Variants in NBAS observed in about 807,000 individuals in gnomAD.
The protein encoded by NBAS is NAG/BC035112 fusion.
Under a neutral mutation model 302.5 loss-of-function variants are expected in NBAS, and 219 were observed. That is an observed-to-expected ratio of 0.72 (90% CI 0.65 to 0.81). The LOEUF (loss-of-function observed/expected upper bound fraction) is 0.81. Among genes scored for constraint, NBAS ranks in the 30% least tolerant of loss-of-function variants. The pLI is 0.00. For synonymous variants in NBAS, 1,118 were observed against 1,021.6 expected (o/e 1.09, Z -1.80); for missense variants, 2,932 against 2,841.6 (o/e 1.03, Z -0.72).
At chr2:15,272,822 C>T (rs1669382341) in intron 44 of NBAS, among the ~76,000 whole-genome samples, 1 of 152,182 alleles carries the variant, frequency 6.6e-6, no homozygotes, top group South Asian at 2.1e-4. Flanking sequence ...GCACCAACAA[C>T]TGTGCCACAT....
At chr2:14,952,217 A>G in the NBAS span, among the ~76,000 whole-genome samples, 1 of 152,202 alleles carries the variant, frequency 6.6e-6, no homozygotes, top group African/African-American at 2.4e-5. Context: ...CTGCATGGAA[A>G]GTCCTATAAA....
intron 11 of NBAS, among the ~76,000 whole-genome samples, chr2:15,493,184 G>A (rs1680935351): frequency 3.3e-5 from 5 of 152,134 alleles, no homozygotes; most frequent in Admixed American, 3.3e-4. Context: ...CGCCATGATT[G>A]TAAATTTCCT....
At chr2:15,368,392 G>A (rs1402237590) in intron 31 of NBAS, among the ~76,000 whole-genome samples, 20 of 151,730 alleles carry the variant, frequency 1.3e-4, no homozygotes, top group African/African-American at 1.9e-4. Context: ...TAGCGACGGG[G>A]TTTCACCACA....
chr2:15,389,761 T>TTTG (rs1234456979), intron 28 of NBAS, among the ~76,000 whole-genome samples: 10 of 152,162 alleles, frequency 6.6e-5, no homozygotes, highest in Non-Finnish European at 1.5e-5. Flanking sequence ...ACAAGTCTTT[T>TTTG]TTGTTGTTGT....
the NBAS span, among the ~76,000 whole-genome samples, chr2:15,032,375 T>C: frequency 6.6e-6 from 1 of 150,550 alleles, no homozygotes; most frequent in South Asian, 2.1e-4. Context: ...AACTGAACAA[T>C]AGAGAACAAG....
At chr2:14,870,772 T>C in the NBAS span, among the ~76,000 whole-genome samples, 1 of 151,916 alleles carries the variant, frequency 6.6e-6, no homozygotes, top group African/African-American at 2.4e-5. Flanking sequence ...AAATCAACCA[T>C]AGCAGGCAGA....
chr2:15,449,549 TACTG>T (rs1307641257), intron 21 of NBAS, among the ~76,000 whole-genome samples: 2 of 152,064 alleles, frequency 1.3e-5, no homozygotes, highest in African/African-American at 4.8e-5. Flanking sequence ...TCTGAAATAA[TACTG>T]ACTTACACCT....
the NBAS span, among the ~76,000 whole-genome samples, chr2:14,888,809 G>A: frequency 0.038 from 5,776 of 152,252 alleles, 137 homozygotes; most frequent in Non-Finnish European, 0.051. Context: ...AGATGAAGAT[G>A]TGAGTGAGAA....
chr2:14,818,377 C>A, the NBAS span, among the ~76,000 whole-genome samples: 1 of 152,094 alleles, frequency 6.6e-6, no homozygotes, highest in African/African-American at 2.4e-5. Flanking sequence ...CTGCATCTAC[C>A]ATCTCATTTA....
intron 21 of NBAS, among the ~76,000 whole-genome samples, chr2:15,443,088 G>A (rs1473067641): frequency 6.6e-6 from 1 of 152,072 alleles, no homozygotes; most frequent in Non-Finnish European, 1.5e-5. Context: ...GGAGGAACTG[G>A]TACCATTCCT....
At chr2:15,249,431 T>C (rs1572524755) in intron 44 of NBAS, among the ~76,000 whole-genome samples, 2 of 152,194 alleles carry the variant, frequency 1.3e-5, no homozygotes, top group East Asian at 3.9e-4. Flanking sequence ...CTCTCACCAC[T>C]CCTATTCAAC....
the NBAS span, among the ~76,000 whole-genome samples, chr2:14,798,250 T>C: frequency 1.3e-5 from 2 of 152,310 alleles, no homozygotes; most frequent in East Asian, 1.9e-4. Context: ...ATTTATCAGA[T>C]TGAGGAAGTT....
At chr2:14,934,970 T>C in the NBAS span, among the ~76,000 whole-genome samples, 1 of 152,238 alleles carries the variant, frequency 6.6e-6, no homozygotes, top group Admixed American at 6.5e-5. Flanking sequence ...ATTTTCTTTC[T>C]ATCCCAGGAT....
the NBAS span, among the ~76,000 whole-genome samples, chr2:14,841,713 G>A: frequency 6.6e-6 from 1 of 151,758 alleles, no homozygotes; most frequent in Non-Finnish European, 1.5e-5. Context: ...AGATCTACAG[G>A]GAGGGATAGA....
the NBAS span, among the ~76,000 whole-genome samples, chr2:14,781,987 C>T: frequency 6.6e-6 from 1 of 152,168 alleles, no homozygotes; most frequent in African/African-American, 2.4e-5. Flanking sequence ...TTCCTCCTCC[C>T]CCGCCACAAG....
chr2:15,393,515 A>G (rs1675708337), intron 28 of NBAS: 1 of 375,570 alleles, frequency 2.7e-6, no homozygotes, highest in Non-Finnish European at 5.3e-6. Context: ...GTAAAACAGT[A>G]CAAATCCTTT....
At chr2:15,007,446 T>C in the NBAS span, among the ~76,000 whole-genome samples, 2 of 152,246 alleles carry the variant, frequency 1.3e-5, no homozygotes, top group Non-Finnish European at 2.9e-5. Flanking sequence ...TTTGCTCTCT[T>C]GATTTTTAAA....
At chr2:14,814,283 G>T in the NBAS span, among the ~76,000 whole-genome samples, 2 of 152,166 alleles carry the variant, frequency 1.3e-5, no homozygotes, top group Non-Finnish European at 2.9e-5. Flanking sequence ...ACCCCCAAAT[G>T]GTAGATCCAC....
the NBAS span, among the ~76,000 whole-genome samples, chr2:15,066,444 T>G: frequency 6.6e-6 from 1 of 152,132 alleles, no homozygotes; most frequent in Non-Finnish European, 1.5e-5. Flanking sequence ...GGAGAAGATA[T>G]TCACAAACCA....
Sources: gnomAD v4.1 joint callset for allele counts (sites outside exome capture counted in the v4.1 genomes callset) on GRCh38, gnomAD v4.1.1 for gene constraint, MANE v1.5 for transcripts, NCBI Gene and HGNC (gene_info 2026-07-23, HGNC 2026-07-21) for gene names.